Variants in ADAMTS7 observed in about 807,000 individuals in gnomAD.
The protein encoded by ADAMTS7 is ADAM metallopeptidase with thrombospondin type 1 motif 7, also known as A disintegrin and metalloproteinase with thrombospondin motifs 7.
In ADAMTS7, 89 loss-of-function variants were observed where a neutral mutation model predicts 172.6. That is an observed-to-expected ratio of 0.52 (90% CI 0.43 to 0.61). The LOEUF (loss-of-function observed/expected upper bound fraction) is 0.61, where lower values mean the gene tolerates loss of function less well. Among genes scored for constraint, ADAMTS7 ranks in the 20% least tolerant of loss-of-function variants. The probability of loss-of-function intolerance (pLI) is 0.00; values close to 1 mark genes in which losing one functional copy is unlikely to be tolerated. For missense variants in ADAMTS7, 1,973 were observed against 2,355.6 expected (o/e 0.84, Z 3.36); for synonymous variants, 885 against 978.4 (o/e 0.90, Z 1.78).
At chr15:78,792,815 AAAAGAAAG>A (rs551751878) in intron 4 of ADAMTS7, among the ~76,000 whole-genome samples, 6 of 152,018 alleles carry the variant, frequency 3.9e-5, no homozygotes, top group East Asian at 1.9e-4. Context: ...CTCCATCTCC[AAAAGAAAG>A]AAAGAAAGAA....
chr15:78,803,673 GA>G (rs2055754208), intron 1 of ADAMTS7, among the ~76,000 whole-genome samples: 1 of 152,158 alleles, frequency 6.6e-6, no homozygotes, highest in African/African-American at 2.4e-5. Context: ...GGCTGGTCTT[GA>G]ACTCCTGGCC....
At position 78,777,723 on chromosome 15, in the gene ADAMTS7, GC is replaced by G. The variant is rs1279050491; in HGVS notation, c.1323-136del. 3 of 1,161,818 alleles carry G rather than the reference GC, an allele frequency of 2.6e-6. No individual in the cohort carries two copies. The African/African-American group carries it at 4.6e-5, about 18-fold the overall frequency. 72.0% of individuals were successfully genotyped at this position (1,161,818 alleles called of 1,614,324 possible). On this transcript the variant is annotated intron_variant, in intron 8 of 23. Coordinates refer to ENST00000388820, the MANE Select transcript of ADAMTS7 (RefSeq NM_014272.5). ...AACTGTAGGAAACTCCAGCCTCCCC[GC>G]TCGGCTCAGCCGATCCTCCACCTGC... is the stretch of plus-strand genomic sequence containing the variant.
intron 8 of ADAMTS7, among the ~76,000 whole-genome samples, chr15:78,782,310 T>G (rs2869857): frequency 1.3e-5 from 2 of 151,630 alleles, no homozygotes; most frequent in African/African-American, 4.9e-5. Context: ...GGTTTATAGG[T>G]GTGAGCCACC....
rs769038240 is a variant in ADAMTS7, at chr15:78,796,806, G to A, written c.623-20C>T. ...GGTACACTGGAGGCCCAGATGGGGT[G>A]GAGTTAGCTGCCAGTGGACAGGCCC... On this transcript the variant is annotated intron_variant, in intron 3 of 23. Coordinates refer to ENST00000388820, the MANE Select transcript of ADAMTS7 (RefSeq NM_014272.5). 3.5e-5 allele frequency: 55 copies of A among 1,592,598 alleles called. No individual in the cohort carries two copies. Among genetic ancestry groups the A allele is most frequent in the Non-Finnish European group, 4.6e-5 (54 of 1,172,974 alleles).
In ADAMTS7 at chr15:78,811,379, G is replaced by T; in HGVS notation, c.-159C>A. 1 of 856,352 alleles carries T rather than the reference G, an allele frequency of 1.2e-6. No homozygotes were observed. The highest frequency in any genetic ancestry group is 1.5e-6 in the Non-Finnish European group (1 of 650,596). 53.0% of individuals were successfully genotyped at this position (856,352 alleles called of 1,614,324 possible). On this transcript the variant is annotated 5_prime_UTR_variant, in exon 1 of 24. Transcript: ENST00000388820. ...CCGTTCGGCTGCGCTCGGTCCGCGG[G>T]CAACAAAGGCTGCAGGGCCCGCCCC... is the stretch of plus-strand genomic sequence containing the variant.
intron 1 of ADAMTS7, among the ~76,000 whole-genome samples, chr15:78,808,362 G>A (rs913300357): frequency 1.3e-5 from 2 of 151,958 alleles, no homozygotes; most frequent in Non-Finnish European, 2.9e-5. Context: ...TCAGCCTTCC[G>A]AGGAGCTGGG....
chr15:78,759,912 T>C lies in ADAMTS7; in HGVS notation c.4904-334A>G, dbSNP rs181769518. Among the ~76,000 whole-genome samples, 423 of 151,672 alleles carry C rather than the reference T, an allele frequency of 2.8e-3. 2 individuals are homozygous for C. Among genetic ancestry groups the C allele is most frequent in the East Asian group, 0.021 (106 of 5,046 alleles). The stretch of plus-strand genomic sequence containing the variant: ...GCCACCCCATCTCCATCCTTGCTCA[T>C]CCCTGGTGTTCCCGGACAGATCCTG... On this transcript the variant is annotated intron_variant, in intron 23 of 23. Coordinates refer to ENST00000388820, the MANE Select transcript of ADAMTS7 (RefSeq NM_014272.5).
Position 78,763,761 on chromosome 15 carries a change from T to C in ADAMTS7, c.4678A>G (p.Asn1560Asp). Reference protein sequence around the residue: ...PGLCEEALRPNTTRPCNTHPC... With the variant: ...PGLCEEALRPDTTRPCNTHPC... ...TGGGTGTTGCAGGGCCGGGTGGTGT[T>C]GGGTCTCAGCGCCTCCTCGCAGAGG... is the stretch of plus-strand genomic sequence containing the variant. The change falls in exon 22 of 24, where the codon AAC becomes GAC. Residue 1560 changes from asparagine to aspartate, a missense_variant. By Grantham distance (23) the Asn-to-Asp change is conservative (BLOSUM62 1). Around this residue, in one of 8 missense-constraint regions of ADAMTS7, gnomAD observed 218 missense variants for 216.9 expected, o/e 1.01. Transcript: ENST00000388820. 1.3e-6 allele frequency: 2 copies of C among 1,599,034 alleles called. No individual in the cohort carries two copies. The highest frequency in any genetic ancestry group is 1.7e-6 in the Non-Finnish European group (2 of 1,175,328).
chr15:78,769,621 G>A (rs144957342), intron 16 of ADAMTS7, among the ~76,000 whole-genome samples: 8 of 152,218 alleles, frequency 5.3e-5, no homozygotes, highest in Non-Finnish European at 1.2e-4. Flanking sequence ...TGGAGGGGAG[G>A]CTGCTGTGAC....
At chr15:78,804,870 A>G (rs1164472057) in intron 1 of ADAMTS7, among the ~76,000 whole-genome samples, 1 of 152,172 alleles carries the variant, frequency 6.6e-6, no homozygotes, top group Admixed American at 6.6e-5. Flanking sequence ...GACTCACTAA[A>G]TCAGCATTTC....
chr15:78,760,175 G>A (rs1201802212), intron 23 of ADAMTS7, among the ~76,000 whole-genome samples: 4 of 152,084 alleles, frequency 2.6e-5, no homozygotes, highest in East Asian at 1.9e-4. Flanking sequence ...GGCCGTCAGC[G>A]GAAACCAGAG....
At chr15:78,807,873 C>T (rs950669331) in intron 1 of ADAMTS7, among the ~76,000 whole-genome samples, 3 of 147,980 alleles carry the variant, frequency 2.0e-5, no homozygotes, top group African/African-American at 7.5e-5. Flanking sequence ...TTATTTATTT[C>T]TTTTTTTTTT....
intron 8 of ADAMTS7, among the ~76,000 whole-genome samples, chr15:78,783,576 C>A (rs892410246): frequency 6.6e-6 from 1 of 152,042 alleles, no homozygotes; most frequent in African/African-American, 2.4e-5. Flanking sequence ...CCACGCCTGG[C>A]CAAGGAAACT....
intron 2 of ADAMTS7, among the ~76,000 whole-genome samples, chr15:78,799,983 C>T (rs866792307): frequency 3.3e-5 from 5 of 151,944 alleles, no homozygotes; most frequent in Non-Finnish European, 7.4e-5. Flanking sequence ...CACCACCACC[C>T]GGCTTTCACA....
chr15:78,776,686 C>T, intron 10 of ADAMTS7, 63 bp downstream of exon 10: 1 of 1,467,582 alleles, frequency 6.8e-7, no homozygotes, highest in Admixed American at 2.0e-5. Context: ...ACCCCAGGGC[C>T]TGGTCACAGC....
intron 14 of ADAMTS7, among the ~76,000 whole-genome samples, chr15:78,772,787 T>A (rs1479753249): frequency 2.6e-5 from 4 of 152,150 alleles, no homozygotes; most frequent in African/African-American, 4.8e-5. Context: ...GGAGCTGGGG[T>A]CTCAGAAGCT....
chr15:78,772,099 G>A (rs2055261124), intron 14 of ADAMTS7, among the ~76,000 whole-genome samples: 1 of 151,974 alleles, frequency 6.6e-6, no homozygotes, highest in African/African-American at 2.4e-5. Flanking sequence ...CTACTCTAAG[G>A]GCTGGCTGGC....
intron 8 of ADAMTS7, among the ~76,000 whole-genome samples, chr15:78,782,164 G>A (rs4886590): frequency 0.28 from 42,941 of 151,802 alleles, 7,770 homozygotes; most frequent in Non-Finnish European, 0.42. Flanking sequence ...CCGAGTAGCT[G>A]GGATTATAGG....
rs772198216 is a variant in ADAMTS7, at chr15:78,771,594, G to C, written c.2367C>G (p.Val789=). ...CACGGGAGGCAGGCACCTGGATCCA[G>C]ACAGGCTCCTTGGTGGGACCCGGGG... is the stretch of plus-strand genomic sequence containing the variant. ...LTSPGPTKEP[V]WIQLLFQESN... is the part of the protein sequence containing the mutation. The change falls in exon 15 of 24, where the codon GTC becomes GTG. Residue 789 remains valine (V), a synonymous_variant. Coordinates refer to ENST00000388820, the MANE Select transcript of ADAMTS7 (RefSeq NM_014272.5). This position sits in a 1 kb window ranked among gnomAD's most constrained non-coding sequence, Gnocchi z 4.9. 43 of 1,597,972 alleles carry C rather than the reference G, an allele frequency of 2.7e-5. No individual in the cohort carries two copies. The highest frequency in any genetic ancestry group is 1.7e-6 in the Non-Finnish European group (2 of 1,177,686).
Sources: allele counts gnomAD v4.1 joint callset (sites outside exome capture counted in the v4.1 genomes callset), GRCh38; gene constraint gnomAD v4.1.1; regional missense constraint gnomAD v4.1.1; non-coding constraint Gnocchi (gnomAD v3.1); transcripts MANE v1.5; gene names NCBI Gene and HGNC (gene_info 2026-07-23, HGNC 2026-07-21).